Variants in BRAF observed in about 807,000 individuals in gnomAD.
BRAF encodes serine/threonine-protein kinase B-raf.
BRAF carries 16 observed loss-of-function variants against 104.6 expected under a neutral mutation model. That is an observed-to-expected ratio of 0.15 (90% CI 0.10 to 0.23). The LOEUF is 0.23. BRAF is among the 10% of genes least tolerant of loss of function. The probability of loss-of-function intolerance (pLI) is 1.00; values close to 1 mark genes in which losing one functional copy is unlikely to be tolerated. For missense variants in BRAF, 541 were observed against 937.3 expected (o/e 0.58, Z 5.52); for synonymous variants, 310 against 341.6 (o/e 0.91, Z 1.02).
intron 1 of BRAF, among the ~76,000 whole-genome samples, chr7:140,917,364 C>G (rs959005982): frequency 1.3e-5 from 2 of 152,132 alleles, no homozygotes; most frequent in African/African-American, 4.8e-5. Context: ...CCCGGCCCCA[C>G]TGATATGACT....
At chr7:140,759,993 C>A (rs140937778) in intron 14 of BRAF, among the ~76,000 whole-genome samples, 223 of 152,278 alleles carry the variant, frequency 1.5e-3, no homozygotes, top group African/African-American at 4.9e-3. Context: ...GGATTAAGAA[C>A]CTGTTTCATG....
At chr7:140,913,515 G>A (rs1292408352) in intron 1 of BRAF, among the ~76,000 whole-genome samples, 1 of 108,552 alleles carries the variant, frequency 9.2e-6, no homozygotes, top group African/African-American at 3.6e-5. Context: ...ACAGAGTCTC[G>A]CTCTGTAGCC....
chr7:140,775,728 G>A (rs1800279922), intron 14 of BRAF, among the ~76,000 whole-genome samples: 2 of 152,320 alleles, frequency 1.3e-5, no homozygotes, highest in South Asian at 4.1e-4. Context: ...AAGTCTAGGG[G>A]TAAGTGGGGG....
At chr7:140,901,246 T>C (rs1189391476) in intron 1 of BRAF, among the ~76,000 whole-genome samples, 3 of 152,228 alleles carry the variant, frequency 2.0e-5, no homozygotes, top group African/African-American at 7.2e-5. Flanking sequence ...AGTTTGTTTG[T>C]TGGTAGTCCC....
chr7:140,812,660 T>A (rs1183939818), intron 3 of BRAF, among the ~76,000 whole-genome samples: 1 of 152,226 alleles, frequency 6.6e-6, no homozygotes, highest in Non-Finnish European at 1.5e-5. Context: ...TTATACTATT[T>A]GTTCTTTCAT....
chr7:140,852,179 G>C (rs1378050393), intron 1 of BRAF, among the ~76,000 whole-genome samples: 1 of 151,828 alleles, frequency 6.6e-6, no homozygotes, highest in Non-Finnish European at 1.5e-5. Flanking sequence ...AACCAGCCTG[G>C]GCAACATAGC....
rs993588779 is a variant in BRAF, at chr7:140,763,297, C to G, written c.1815-9064G>C. Among the ~76,000 whole-genome samples, 11 of 148,678 alleles carry G rather than the reference C, an allele frequency of 7.4e-5. No homozygotes were observed. The East Asian group carries it at 2.2e-3, about 30-fold the overall frequency. On this transcript the variant is annotated intron_variant, in intron 14 of 19. Coordinates refer to ENST00000644969, the MANE Select transcript of BRAF (RefSeq NM_001374258.1). ...GGCCGGGCGGGGGGCTGACCCCCCC[C>G]ACCTCCCTCCTGGACAGGGCGGCTG...
At chr7:140,876,200 A>C (rs1563010641) in intron 1 of BRAF, among the ~76,000 whole-genome samples, 1 of 152,222 alleles carries the variant, frequency 6.6e-6, no homozygotes, top group African/African-American at 2.4e-5. Flanking sequence ...TAGTTTTAAC[A>C]TTTCTTTAAG....
intron 3 of BRAF, among the ~76,000 whole-genome samples, chr7:140,815,462 G>T (rs1162027178): frequency 3.1e-5 from 4 of 131,018 alleles, no homozygotes; most frequent in African/African-American, 1.2e-4. Context: ...TTGAGACAGG[G>T]TCTTGCTCTG....
intron 1 of BRAF, among the ~76,000 whole-genome samples, chr7:140,864,443 G>T (rs1281973108): frequency 6.6e-6 from 1 of 152,184 alleles, no homozygotes; most frequent in Non-Finnish European, 1.5e-5. Context: ...TGATCAAGAA[G>T]GCAGCTGGTT....
intron 10 of BRAF, chr7:140,783,483 T>C (rs1801076142): frequency 7.9e-6 from 2 of 251,744 alleles, no homozygotes; most frequent in South Asian, 3.4e-4. Flanking sequence ...AAGTTTCTGT[T>C]TCTTTGATGA....
chr7:140,825,258 G>A (rs1271655431), intron 3 of BRAF, among the ~76,000 whole-genome samples: 1 of 152,018 alleles, frequency 6.6e-6, no homozygotes, highest in Non-Finnish European at 1.5e-5. Flanking sequence ...ATGAGCCTCC[G>A]CACCCAGCCA....
intron 14 of BRAF, among the ~76,000 whole-genome samples, chr7:140,762,427 A>G (rs1472696600): frequency 6.6e-6 from 1 of 152,210 alleles, no homozygotes; most frequent in Non-Finnish European, 1.5e-5. Context: ...AATGCCCACA[A>G]GAGAAAGCAG....
chr7:140,895,524 C>T (rs932757680), intron 1 of BRAF, among the ~76,000 whole-genome samples: 3 of 152,126 alleles, frequency 2.0e-5, no homozygotes, highest in Non-Finnish European at 4.4e-5. Context: ...AGAACTTATT[C>T]CTCCTATCTA....
intron 18 of BRAF, among the ~76,000 whole-genome samples, chr7:140,738,451 C>T (rs1796622857): frequency 6.6e-6 from 1 of 152,132 alleles, no homozygotes; most frequent in Non-Finnish European, 1.5e-5. Context: ...ATTATGGTAG[C>T]AGGGTTACTA....
At chr7:140,815,734 C>A (rs962376437) in intron 3 of BRAF, among the ~76,000 whole-genome samples, 5 of 152,038 alleles carry the variant, frequency 3.3e-5, no homozygotes, top group African/African-American at 7.3e-5. Context: ...CTGCAACTGG[C>A]CTAATTACAA....
intron 15 of BRAF, 47 bp from the exon 15 acceptor site, chr7:140,753,440 C>T (rs775244563): frequency 8.1e-7 from 1 of 1,229,558 alleles, no homozygotes; most frequent in Non-Finnish European, 1.2e-6. Flanking sequence ...ATTTTCCTAT[C>T]AGAGCAAGCA....
intron 1 of BRAF, among the ~76,000 whole-genome samples, chr7:140,855,634 TTA>T (rs950428073): frequency 6.6e-6 from 1 of 151,536 alleles, no homozygotes. Flanking sequence ...ACAGGTGATT[TTA>T]TATATATATT....
At chr7:140,812,653 T>C (rs941684323) in intron 3 of BRAF, among the ~76,000 whole-genome samples, 18 of 152,238 alleles carry the variant, frequency 1.2e-4, no homozygotes, top group Non-Finnish European at 2.1e-4. Flanking sequence ...TGAATTTTTA[T>C]ACTATTTGTT....
Sources: gnomAD v4.1 joint callset for allele counts (sites outside exome capture counted in the v4.1 genomes callset) on GRCh38, gnomAD v4.1.1 for gene constraint, MANE v1.5 for transcripts, NCBI Gene and HGNC (gene_info 2026-07-23, HGNC 2026-07-21) for gene names.